APBA2: variants seen among roughly 807,000 people sequenced by gnomAD.
The protein encoded by APBA2 is amyloid-beta A4 precursor protein-binding family A member 2.
In APBA2, 30 loss-of-function variants were observed where a neutral mutation model predicts 75.0. The ratio of observed to expected loss-of-function variants is 0.40; its 90% CI spans 0.30 to 0.54. The LOEUF (loss-of-function observed/expected upper bound fraction) is 0.54. APBA2 is among the 20% of genes least tolerant of loss of function. APBA2 has a pLI of 0.49. For missense variants in APBA2, 801 were observed against 1,016.1 expected (o/e 0.79, Z 2.88); for synonymous variants, 444 against 409.6 (o/e 1.08, Z -1.01).
At chr15:29,117,021 G>A in intron 14 of APBA2, 41 bp from the exon 15 acceptor site, 1 of 1,596,364 alleles carries the variant, frequency 6.3e-7, no homozygotes, top group Non-Finnish European at 8.6e-7. Flanking sequence ...TGGGAGGGGA[G>A]GTGGGAGGGC....
At chr15:28,985,850 A>G (rs1331739152) in intron 2 of APBA2, among the ~76,000 whole-genome samples, 1 of 152,172 alleles carries the variant, frequency 6.6e-6, no homozygotes, top group African/African-American at 2.4e-5. Context: ...GAAGACAAAG[A>G]AGGACAGATG....
chr15:28,994,693 A>G (rs896730939), intron 2 of APBA2, among the ~76,000 whole-genome samples: 3 of 152,118 alleles, frequency 2.0e-5, no homozygotes, highest in Non-Finnish European at 4.4e-5. Context: ...GTGTCTACCT[A>G]GGAAGTGAGA....
chr15:28,907,365 T>G (rs2033182426), intron 1 of APBA2, among the ~76,000 whole-genome samples: 1 of 152,260 alleles, frequency 6.6e-6, no homozygotes, highest in African/African-American at 2.4e-5. Context: ...ATATCTACCG[T>G]ACAAGTTACT....
Position 29,117,155 on chromosome 15 carries a change from A to AGCCAGGACACCGGGCAGGGCC in APBA2, c.*26_*46dup, listed in dbSNP as rs2045235018. On this transcript the variant is annotated 3_prime_UTR_variant, in exon 15 of 15. Coordinates refer to ENST00000683413, the MANE Select transcript of APBA2 (RefSeq NM_001353788.2). ...CTAGGCCACCCCAGCCTGGCCACGC[A>AGCCAGGACACCGGGCAGGGCC]GCCAGGACACCGGGCAGGGCCGCCC... is the stretch of plus-strand genomic sequence containing the variant. The AGCCAGGACACCGGGCAGGGCC allele has an allele frequency of 1.2e-6, 2 of 1,611,830 alleles. No homozygotes were observed. Among genetic ancestry groups the AGCCAGGACACCGGGCAGGGCC allele is most frequent in the Non-Finnish European group, 1.7e-6 (2 of 1,178,974 alleles).
At chr15:29,053,217 C>T (rs1374731237) in intron 3 of APBA2, among the ~76,000 whole-genome samples, 1 of 152,164 alleles carries the variant, frequency 6.6e-6, no homozygotes. Context: ...CAGTGCTGTC[C>T]CCTCTGCTGA....
intron 10 of APBA2, chr15:29,102,099 A>T: frequency 2.0e-6 from 1 of 496,826 alleles, no homozygotes; most frequent in South Asian, 2.2e-5. Context: ...TCTTTGCATA[A>T]CTTTTGTTAT....
chr15:28,993,311 G>A (rs964366068), intron 2 of APBA2, among the ~76,000 whole-genome samples: 4 of 152,218 alleles, frequency 2.6e-5, no homozygotes, highest in African/African-American at 9.6e-5. Context: ...ATGCTAGCCA[G>A]GGGCCCTGGA....
At chr15:29,066,296 C>A (rs949162547) in intron 4 of APBA2, among the ~76,000 whole-genome samples, 22 of 152,134 alleles carry the variant, frequency 1.4e-4, no homozygotes, top group African/African-American at 5.3e-4. Flanking sequence ...TGCTGCATTG[C>A]GGCCTTGTAT....
At chr15:28,981,862 A>T (rs1204414643) in intron 2 of APBA2, among the ~76,000 whole-genome samples, 1 of 152,216 alleles carries the variant, frequency 6.6e-6, no homozygotes, top group Non-Finnish European at 1.5e-5. Flanking sequence ...ACAGCAACAT[A>T]GATGCAGCTG....
At chr15:29,091,458 G>A (rs78082432) in intron 6 of APBA2, among the ~76,000 whole-genome samples, 7,155 of 152,250 alleles carry the variant, frequency 0.047, 598 homozygotes, top group African/African-American at 0.16. Flanking sequence ...GTTTGAGGCA[G>A]TGGAGGGGTC....
At chr15:28,984,821 CT>C (rs2037820044) in intron 2 of APBA2, among the ~76,000 whole-genome samples, 1 of 150,730 alleles carries the variant, frequency 6.6e-6, no homozygotes, top group Non-Finnish European at 1.5e-5. Context: ...CCCCCTCCCA[CT>C]GCCATCTCTG....
intron 2 of APBA2, among the ~76,000 whole-genome samples, chr15:28,945,599 A>C (rs560228224): frequency 1.7e-4 from 26 of 151,620 alleles, no homozygotes; most frequent in African/African-American, 6.3e-4. Flanking sequence ...GTTCACTGCA[A>C]CCTCGGCCTC....
At chr15:29,024,054 C>T (rs1317996346) in intron 3 of APBA2, among the ~76,000 whole-genome samples, 1 of 151,812 alleles carries the variant, frequency 6.6e-6, no homozygotes, top group Non-Finnish European at 1.5e-5. Flanking sequence ...CAGGTGCATG[C>T]CACCATGCCT....
chr15:29,106,844 C>T, intron 12 of APBA2, 25 bp downstream of exon 12: 2 of 1,603,822 alleles, frequency 1.2e-6, no homozygotes, highest in Non-Finnish European at 8.5e-7. Flanking sequence ...ATCCTCCGCC[C>T]AGGGGTCACC....
intron 3 of APBA2, among the ~76,000 whole-genome samples, chr15:29,010,763 T>G (rs2039362893): frequency 6.6e-6 from 1 of 152,216 alleles, no homozygotes; most frequent in Non-Finnish European, 1.5e-5. Flanking sequence ...TATTTATTTT[T>G]TCCAGCCATT....
At chr15:29,028,492 A>G (rs749791334) in intron 3 of APBA2, among the ~76,000 whole-genome samples, 5 of 152,146 alleles carry the variant, frequency 3.3e-5, no homozygotes, top group Admixed American at 6.5e-5. Context: ...TTTGTAACAG[A>G]ATGATTTATT....
intron 2 of APBA2, among the ~76,000 whole-genome samples, chr15:28,934,948 C>T (rs752711292): frequency 4.6e-5 from 7 of 152,308 alleles, no homozygotes; most frequent in South Asian, 4.1e-4. Context: ...TGTACTGACA[C>T]GCTGCGTGCT....
chr15:29,113,000 G>A (rs2044820967), intron 13 of APBA2, among the ~76,000 whole-genome samples: 2 of 152,152 alleles, frequency 1.3e-5, no homozygotes, highest in East Asian at 3.9e-4. Flanking sequence ...GTGTCCCCGA[G>A]GTCTGTCCGT....
rs911394418 is a variant in APBA2 at position 28,918,258 on chromosome 15, G to C, written c.-204-3382G>C. Among the ~76,000 whole-genome samples the C allele has an allele frequency of 7.9e-5, 12 of 152,178 alleles. No individual in the cohort carries two copies. Among genetic ancestry groups the C allele is most frequent in the Non-Finnish European group, 1.5e-4 (10 of 68,028 alleles). On this transcript the variant is annotated intron_variant, in intron 1 of 14. Coordinates refer to ENST00000683413, the MANE Select transcript of APBA2 (RefSeq NM_001353788.2). The surrounding 1 kb of genome is among the most constrained non-coding windows in gnomAD (Gnocchi z 4.2). ...CACGGAGCCGGTCAGTGACAGAGCCGGGTCTCAACCCAGGCCACTGCCCTC... is the reference window on the plus strand; with the variant it reads ...CACGGAGCCGGTCAGTGACAGAGCCCGGTCTCAACCCAGGCCACTGCCCTC...
Sources: gnomAD v4.1 joint callset for allele counts (sites outside exome capture counted in the v4.1 genomes callset) on GRCh38, gnomAD v4.1.1 for gene constraint, Gnocchi (gnomAD v3.1) non-coding constraint, MANE v1.5 for transcripts, NCBI Gene and HGNC (gene_info 2026-07-23, HGNC 2026-07-21) for gene names.